The following ANGPT1 variants were observed in gnomAD, a reference collection of about 807,000 sequenced individuals.
ANGPT1 encodes angiopoietin-1.
ANGPT1 carries 17 observed loss-of-function variants against 62.2 expected under a neutral mutation model. That is an observed-to-expected ratio of 0.27 (90% CI 0.19 to 0.41). The LOEUF is 0.41. Ranked by LOEUF, ANGPT1 falls within the 10% of genes least tolerant of loss-of-function variation. ANGPT1 has a pLI of 1.00. For synonymous variants in ANGPT1, 199 were observed against 198.9 expected (o/e 1.00, Z 0.00); for missense variants, 478 against 594.9 (o/e 0.80, Z 2.04).
At chr8:107,339,110 T>C (rs2130129790) in intron 2 of ANGPT1, among the ~76,000 whole-genome samples, 1 of 152,350 alleles carries the variant, frequency 6.6e-6, no homozygotes, top group East Asian at 1.9e-4. Context: ...CCATTTAAAA[T>C]TGAAAACAAA....
intron 1 of ANGPT1, among the ~76,000 whole-genome samples, chr8:107,428,016 C>G (rs1244929796): frequency 3.3e-5 from 5 of 152,074 alleles, no homozygotes; most frequent in African/African-American, 1.2e-4. Context: ...ATTGAAGAAG[C>G]CATATTTTGA....
chr8:107,476,633 G>A (rs994772298), intron 1 of ANGPT1, among the ~76,000 whole-genome samples: 10 of 151,896 alleles, frequency 6.6e-5, no homozygotes, highest in Admixed American at 1.3e-4. Context: ...TAGGATCGTC[G>A]TTTCCTCCTC....
chr8:107,300,990 AGGCGCAGT>A (rs146789716), intron 5 of ANGPT1, among the ~76,000 whole-genome samples: 280 of 151,990 alleles, frequency 1.8e-3, no homozygotes, highest in African/African-American at 6.3e-3. Context: ...TCACATTACC[AGGCGCAGT>A]GGTTCTGCAA....
chr8:107,398,261 TG>T (rs1307643999), intron 1 of ANGPT1, among the ~76,000 whole-genome samples: 4 of 152,180 alleles, frequency 2.6e-5, no homozygotes, highest in Admixed American at 6.5e-5. Context: ...GAATAGTTTT[TG>T]TTAGTGGGTG....
At chr8:107,468,276 A>C (rs1396739388) in intron 1 of ANGPT1, among the ~76,000 whole-genome samples, 1 of 152,070 alleles carries the variant, frequency 6.6e-6, no homozygotes, top group Non-Finnish European at 1.5e-5. Flanking sequence ...TGGGGTTATG[A>C]TTCTGACACT....
chr8:107,438,860 A>T (rs569932761), intron 1 of ANGPT1, among the ~76,000 whole-genome samples: 1 of 152,278 alleles, frequency 6.6e-6, no homozygotes, highest in Non-Finnish European at 1.5e-5. Context: ...AATTAACATG[A>T]GAGAATGAAT....
At chr8:107,254,368 G>T (rs1813311508) in intron 8 of ANGPT1, among the ~76,000 whole-genome samples, 1 of 151,970 alleles carries the variant, frequency 6.6e-6, no homozygotes, top group East Asian at 1.9e-4. Flanking sequence ...TCTAATGGGA[G>T]AAACAGATGA....
At chr8:107,406,724 G>T (rs1817155817) in intron 1 of ANGPT1, among the ~76,000 whole-genome samples, 1 of 151,930 alleles carries the variant, frequency 6.6e-6, no homozygotes, top group South Asian at 2.1e-4. Flanking sequence ...TAATACACAT[G>T]AAGAATAATG....
intron 1 of ANGPT1, among the ~76,000 whole-genome samples, chr8:107,383,007 T>G (rs781339070): frequency 5.0e-4 from 76 of 152,154 alleles, no homozygotes; most frequent in Non-Finnish European, 9.3e-4. Context: ...AATGCTATCT[T>G]TATTTCTCCT....
At chr8:107,339,256 T>G (rs1026213860) in intron 2 of ANGPT1, among the ~76,000 whole-genome samples, 7 of 152,206 alleles carry the variant, frequency 4.6e-5, no homozygotes, top group African/African-American at 1.7e-4. Flanking sequence ...TCATGCCATC[T>G]CCTTTGCAAC....
At chr8:107,342,688 G>A (rs185487136) in intron 2 of ANGPT1, among the ~76,000 whole-genome samples, 183 of 151,542 alleles carry the variant, frequency 1.2e-3, no homozygotes, top group African/African-American at 4.2e-3. Context: ...CTAATTACAG[G>A]ATATTTTCCT....
intron 2 of ANGPT1, among the ~76,000 whole-genome samples, chr8:107,342,599 A>G (rs1815717008): frequency 6.6e-6 from 1 of 152,140 alleles, no homozygotes; most frequent in Admixed American, 6.5e-5. Context: ...TGGCTGGTCA[A>G]ATTTGACCTG....
chr8:107,395,488 T>C (rs776042462), intron 1 of ANGPT1, among the ~76,000 whole-genome samples: 17 of 152,198 alleles, frequency 1.1e-4, no homozygotes, highest in Non-Finnish European at 1.9e-4. Context: ...TACTTCTGAA[T>C]GATTTCTCAC....
intron 1 of ANGPT1, among the ~76,000 whole-genome samples, chr8:107,465,610 A>T (rs1586345617): frequency 6.6e-6 from 1 of 152,288 alleles, no homozygotes; most frequent in East Asian, 1.9e-4. Context: ...ACACTGAATG[A>T]CAAGTCTAAG....
chr8:107,447,764 T>C (rs565892027), intron 1 of ANGPT1, among the ~76,000 whole-genome samples: 3 of 152,158 alleles, frequency 2.0e-5, no homozygotes, highest in African/African-American at 7.2e-5. Flanking sequence ...GGTTTCTTTG[T>C]AGAGTAAGAG....
At chr8:107,429,922 A>AAAGG (rs775809803) in intron 1 of ANGPT1, among the ~76,000 whole-genome samples, 18,085 of 152,120 alleles carry the variant, frequency 0.12, 1,456 homozygotes, top group East Asian at 0.44. Context: ...AAAGAATCAC[A>AAAGG]TAGTTGGGTC....
chr8:107,350,262 ATCTG>A (rs1295700742), intron 1 of ANGPT1, among the ~76,000 whole-genome samples: 3 of 152,178 alleles, frequency 2.0e-5, no homozygotes, highest in Admixed American at 6.5e-5. Flanking sequence ...TTATCAAGAA[ATCTG>A]TCTTTCTATG....
chr8:107,397,580 C>G (rs1233332880), intron 1 of ANGPT1, among the ~76,000 whole-genome samples: 3 of 152,130 alleles, frequency 2.0e-5, no homozygotes, highest in African/African-American at 7.2e-5. Context: ...TTTACAGCTT[C>G]CAAATCATGG....
chr8:107,336,197 T>C lies in ANGPT1; in HGVS notation c.528A>G (p.Gln176=). ...NSLSTYKLEK[Q]LLQQTNEILK... ...AGATTTCATTTGTCTGTTGAAGAAG[T>C]TGCTTCTCTAGCTTGTAGGTGGATA... Residue 176 remains glutamine, a synonymous_variant, in exon 3 of 9, where the codon CAA becomes CAG. Coordinates refer to ENST00000517746, the MANE Select transcript of ANGPT1 (RefSeq NM_001146.5). 6.2e-7 allele frequency: 1 copy of C among 1,609,798 alleles called. No homozygotes were observed. Among genetic ancestry groups the C allele is most frequent in the Non-Finnish European group, 8.5e-7 (1 of 1,178,744 alleles).
Sources: allele counts gnomAD v4.1 joint callset (sites outside exome capture counted in the v4.1 genomes callset), GRCh38; gene constraint gnomAD v4.1.1; transcripts MANE v1.5; gene names NCBI Gene and HGNC (gene_info 2026-07-23, HGNC 2026-07-21).